Variants in RHCE observed in about 807,000 individuals in gnomAD.
The protein encoded by RHCE is blood group Rh(CE) polypeptide.
In RHCE, 22 loss-of-function variants were observed where a neutral mutation model predicts 43.8. That is an observed-to-expected ratio of 0.50 (90% CI 0.36 to 0.72). RHCE has a LOEUF of 0.72. RHCE is among the 30% of genes least tolerant of loss of function. The pLI, the probability that RHCE is intolerant of heterozygous loss-of-function variation, is 0.00. For synonymous variants in RHCE, 156 were observed against 210.7 expected (o/e 0.74, Z 2.25); for missense variants, 385 against 525.4 (o/e 0.73, Z 2.61).
At chr1:25,422,033 ATGT>A (rs2124554547), upstream of RHCE, among the ~76,000 whole-genome samples, 1 of 152,220 alleles carries the variant, frequency 6.6e-6, no homozygotes, top group South Asian at 2.1e-4. Flanking sequence ...AACAATTCCT[ATGT>A]AGATCAGAGG....
intron 5 of RHCE, 54 bp from the exon 6 acceptor site, chr1:25,389,167 C>T: frequency 6.4e-7 from 1 of 1,572,220 alleles, no homozygotes; most frequent in Non-Finnish European, 8.7e-7. Context: ...AGAACACCAT[C>T]TTGCTGCAAG....
At chr1:25,411,358 C>T (rs771530892) in intron 1 of RHCE, 2 of 1,550,540 alleles carry the variant, frequency 1.3e-6, no homozygotes, top group South Asian at 2.4e-5. Flanking sequence ...GGTCTCCAGC[C>T]CTGGCTTTGA....
intron 6 of RHCE, among the ~76,000 whole-genome samples, chr1:25,388,327 C>T (rs1373978888): frequency 7.7e-6 from 1 of 129,066 alleles, no homozygotes; most frequent in Non-Finnish European, 1.6e-5. Flanking sequence ...AAAGATCCAT[C>T]CACTTAGAAG....
chr1:25,380,481 G>A (rs1463527212), intron 7 of RHCE, among the ~76,000 whole-genome samples: 1 of 151,988 alleles, frequency 6.6e-6, no homozygotes, highest in East Asian at 1.9e-4. Flanking sequence ...CCCCACCCTT[G>A]TAGCTCCACT....
chr1:25,380,934 C>T (rs1356192116), intron 7 of RHCE, among the ~76,000 whole-genome samples: 1 of 139,206 alleles, frequency 7.2e-6, no homozygotes, highest in Non-Finnish European at 1.5e-5. Context: ...TGGAGTCTCG[C>T]TTTGTCGCCC....
chr1:25,377,262 T>TG (rs897830940), intron 7 of RHCE, among the ~76,000 whole-genome samples: 1 of 152,138 alleles, frequency 6.6e-6, no homozygotes, highest in Non-Finnish European at 1.5e-5. Flanking sequence ...TTCTTTTTTT[T>TG]TTAGATGGAG....
chr1:25,420,253 G>A (rs2124550017), intron 1 of RHCE, among the ~76,000 whole-genome samples: 1 of 152,272 alleles, frequency 6.6e-6, no homozygotes, highest in East Asian at 1.9e-4. Context: ...ACATGAAATT[G>A]CTTGCATAAG....
intron 2 of RHCE, among the ~76,000 whole-genome samples, chr1:25,406,620 G>A (rs1470814845): frequency 9.5e-5 from 9 of 94,332 alleles, no homozygotes; most frequent in African/African-American, 3.2e-4. Flanking sequence ...GCCTAAAACT[G>A]TTGTTTTTGG....
intron 8 of RHCE, among the ~76,000 whole-genome samples, chr1:25,371,481 C>G (rs563869478): frequency 3.3e-5 from 5 of 151,540 alleles, no homozygotes. Flanking sequence ...AGCAACCCCC[C>G]CACCTCAGCC....
At chr1:25,410,261 C>T (rs1647031246) in intron 1 of RHCE, among the ~76,000 whole-genome samples, 2 of 152,082 alleles carry the variant, frequency 1.3e-5, no homozygotes, top group Admixed American at 1.3e-4. Flanking sequence ...ACACCATCTG[C>T]CCTCCCTCTT....
At chr1:25,423,175 AT>A (rs2042779949), upstream of RHCE, among the ~76,000 whole-genome samples, 1 of 151,998 alleles carries the variant, frequency 6.6e-6, no homozygotes, top group African/African-American at 2.4e-5. Context: ...TCCTCTCACA[AT>A]TGCCTCCTGG....
intron 2 of RHCE, among the ~76,000 whole-genome samples, chr1:25,426,520 ACTC>A (rs1355242746): frequency 6.6e-6 from 1 of 152,140 alleles, no homozygotes; most frequent in Non-Finnish European, 1.5e-5. Flanking sequence ...AAGTGCCTTA[ACTC>A]CTCTGTGCCA....
In RHCE at chr1:25,389,207, T is replaced by C. The variant is rs1646278573; in HGVS notation, c.802-94A>G. The C allele has an allele frequency of 4.8e-6, 7 of 1,473,630 alleles. No homozygotes were observed. The Admixed American group carries it at 1.3e-4, about 27-fold the overall frequency. The allele number at this position is 1,473,630 out of a possible 1,614,324, so 91.3% of individuals were successfully genotyped here. On this transcript the variant is annotated intron_variant, in intron 5 of 9. Coordinates refer to ENST00000294413, the MANE Select transcript of RHCE (RefSeq NM_020485.8). ...CAGCACGCTGGGAACAAGGCAACCC[T>C]GTAACATCCTCCCTGCTTTGCTGAT...
rs747728242 is a variant in RHCE at position 25,370,502 on chromosome 1, C to T, written c.1192G>A (p.Val398Met). The stretch of plus-strand genomic sequence containing the variant: ...ACTTGGTCATCAAAATATTTAGCCA[C>T]ATGAGGTGCTTTCCATATTTTGAGA... ...LNLKIWKAPH[V>M]AKYFDDQVFW... Residue 398 changes from valine to methionine, a missense_variant, in exon 9 of 10, where the codon GTG becomes ATG. Physicochemically the swap from Val to Met is conservative, Grantham distance 21 (BLOSUM62 1). This residue lies in a region of RHCE where 26 missense variants were observed against 37.1 expected (regional missense o/e 0.70). Transcript: ENST00000294413. 6.2e-6 allele frequency: 10 copies of T among 1,612,642 alleles called. No individual in the cohort carries two copies. Among genetic ancestry groups the T allele is most frequent in the Middle Eastern group, 3.3e-4 (2 of 6,058 alleles).
rs1646427947 is a variant in RHCE at position 25,392,995 on chromosome 1, T to G, written c.487-854A>C. 2.0e-5 allele frequency among the ~76,000 whole-genome samples: 3 copies of G among 152,282 alleles called. No individual in the cohort carries two copies. The South Asian group carries it at 6.2e-4, about 32-fold the overall frequency. ...GCAGGAGTGATGAGTGATATAAATT[T>G]TGCAACATGAAGCAACCAGACTTCT... On this transcript the variant is annotated intron_variant, in intron 3 of 9. Coordinates refer to ENST00000294413, the MANE Select transcript of RHCE (RefSeq NM_020485.8).
intron 1 of RHCE, among the ~76,000 whole-genome samples, chr1:25,410,835 T>C (rs1426960878): frequency 6.6e-6 from 1 of 152,078 alleles, no homozygotes; most frequent in Non-Finnish European, 1.5e-5. Context: ...TTTGGACATA[T>C]AAAAATACCA....
intron 2 of RHCE, among the ~76,000 whole-genome samples, chr1:25,427,366 T>G (rs766943709): frequency 9.2e-5 from 14 of 152,348 alleles, no homozygotes; most frequent in Middle Eastern, 6.8e-3. Context: ...GTCTTTTGAA[T>G]GAGGGCAAAT....
chr1:25,403,160 C>T (rs992204454), intron 2 of RHCE, among the ~76,000 whole-genome samples: 10 of 152,126 alleles, frequency 6.6e-5, no homozygotes, highest in African/African-American at 2.4e-4. Flanking sequence ...GGCCTGCCCA[C>T]ATCCAGTCAC....
At chr1:25,371,177 A>G (rs1179031313) in intron 8 of RHCE, among the ~76,000 whole-genome samples, 1 of 151,052 alleles carries the variant, frequency 6.6e-6, no homozygotes, top group Non-Finnish European at 1.5e-5. Context: ...GCCCCACGAA[A>G]GCTGATCCAT....
Sources: gnomAD v4.1 joint callset for allele counts (sites outside exome capture counted in the v4.1 genomes callset) on GRCh38, gnomAD v4.1.1 for gene constraint, gnomAD v4.1.1 regional missense constraint, MANE v1.5 for transcripts, NCBI Gene and HGNC (gene_info 2026-07-23, HGNC 2026-07-21) for gene names.